The following EYS variants were observed in gnomAD, a reference collection of about 807,000 sequenced individuals.
EYS encodes protein eyes shut homolog.
EYS carries 250 observed loss-of-function variants against 282.1 expected under a neutral mutation model. The ratio of observed to expected loss-of-function variants is 0.89; its 90% CI spans 0.80 to 0.98. The LOEUF is 0.98. Among genes scored for constraint, EYS ranks in the 50% least tolerant of loss-of-function variants. EYS has a pLI of 0.00. For synonymous variants in EYS, 1,355 were observed against 1,282.9 expected (o/e 1.06, Z -1.20); for missense variants, 4,016 against 3,709.0 (o/e 1.08, Z -2.15).
intron 18 of EYS, among the ~76,000 whole-genome samples, chr6:64,899,468 A>G (rs1286598339): frequency 6.6e-6 from 1 of 152,158 alleles, no homozygotes; most frequent in Non-Finnish European, 1.5e-5. Flanking sequence ...AGAAAACCTC[A>G]TCGTCTCAGC....
intron 1 of EYS, among the ~76,000 whole-genome samples, chr6:65,678,789 G>C (rs1417767020): frequency 6.9e-6 from 1 of 145,770 alleles, no homozygotes; most frequent in Non-Finnish European, 1.5e-5. Flanking sequence ...ATTATAAATG[G>C]GCAAAGGACA....
At chr6:64,633,432 A>G (rs1767863119) in intron 22 of EYS, among the ~76,000 whole-genome samples, 1 of 147,796 alleles carries the variant, frequency 6.8e-6, no homozygotes, top group South Asian at 2.1e-4. Context: ...CCATATGCAG[A>G]AATTAAGACA....
At chr6:64,906,901 T>C (rs539945344) in intron 16 of EYS, among the ~76,000 whole-genome samples, 77 of 152,260 alleles carry the variant, frequency 5.1e-4, no homozygotes, top group African/African-American at 1.7e-3. Context: ...AGAAAAGAAA[T>C]TATTTAATTC....
chr6:64,730,196 TAACTGATTTCA>T (rs1771911429), intron 22 of EYS, among the ~76,000 whole-genome samples: 1 of 152,162 alleles, frequency 6.6e-6, no homozygotes. Context: ...AGGGACTTAT[TAACTGATTTCA>T]AACAAAGCTT....
At chr6:65,698,862 C>T (rs1769552329) in intron 1 of EYS, among the ~76,000 whole-genome samples, 1 of 152,096 alleles carries the variant, frequency 6.6e-6, no homozygotes, top group African/African-American at 2.4e-5. Flanking sequence ...ATTGTTTCAC[C>T]ATAAGAAAAA....
chr6:65,663,060 G>C (rs1184835052), intron 1 of EYS, among the ~76,000 whole-genome samples: 4 of 152,120 alleles, frequency 2.6e-5, no homozygotes, highest in Non-Finnish European at 4.4e-5. Flanking sequence ...ATTTTTGACA[G>C]CTCAAAGAAG....
chr6:64,368,411 C>T (rs960158685), intron 29 of EYS, among the ~76,000 whole-genome samples: 4 of 152,020 alleles, frequency 2.6e-5, no homozygotes, highest in East Asian at 1.9e-4. Context: ...CATATGTGCA[C>T]GTGTCTTTAG....
chr6:64,725,911 T>TA (rs964093402), intron 22 of EYS, among the ~76,000 whole-genome samples: 1 of 152,140 alleles, frequency 6.6e-6, no homozygotes, highest in Admixed American at 6.5e-5. Flanking sequence ...CTGATACATT[T>TA]AGGTGGCCTT....
At chr6:65,675,312 T>C (rs1192603008) in intron 1 of EYS, among the ~76,000 whole-genome samples, 1 of 151,258 alleles carries the variant, frequency 6.6e-6, no homozygotes, top group Non-Finnish European at 1.5e-5. Context: ...AGATACAGAG[T>C]AGCTAAACAG....
chr6:64,981,808 G>A (rs568598499), intron 14 of EYS, among the ~76,000 whole-genome samples: 1 of 151,442 alleles, frequency 6.6e-6, no homozygotes, highest in South Asian at 2.1e-4. Context: ...TGGGTTAGAA[G>A]GGAATAATTG....
At chr6:64,573,362 G>A (rs1562069432) in intron 26 of EYS, among the ~76,000 whole-genome samples, 2 of 152,128 alleles carry the variant, frequency 1.3e-5, no homozygotes, top group Non-Finnish European at 2.9e-5. Context: ...CAGCACATAG[G>A]TATGGGCAAA....
chr6:65,476,035 G>T (rs1319196688), intron 5 of EYS, among the ~76,000 whole-genome samples: 5 of 151,794 alleles, frequency 3.3e-5, no homozygotes, highest in Non-Finnish European at 5.9e-5. Flanking sequence ...AATTTTGTCA[G>T]GGAGAAGATA....
chr6:63,988,507 A>G (rs1304342430), intron 34 of EYS, among the ~76,000 whole-genome samples: 2 of 151,794 alleles, frequency 1.3e-5, no homozygotes, highest in East Asian at 1.9e-4. Context: ...TGAAATGTCT[A>G]AAAAAGCAGA....
intron 23 of EYS, among the ~76,000 whole-genome samples, chr6:64,622,188 C>T (rs1767466592): frequency 6.6e-6 from 1 of 152,096 alleles, no homozygotes; most frequent in Admixed American, 6.6e-5. Flanking sequence ...CTGAGCTCCA[C>T]TTGTCAAGTC....
intron 28 of EYS, among the ~76,000 whole-genome samples, chr6:64,416,194 C>T (rs1023032954): frequency 5.9e-5 from 9 of 152,140 alleles, no homozygotes; most frequent in African/African-American, 2.2e-4. Context: ...CATAGCCTGG[C>T]TCAGTTCCTG....
intron 5 of EYS, among the ~76,000 whole-genome samples, chr6:65,425,142 T>C (rs1395298170): frequency 6.6e-6 from 1 of 152,102 alleles, no homozygotes; most frequent in Non-Finnish European, 1.5e-5. Context: ...TGTTGAATAT[T>C]GTGGTTAGTT....
chr6:64,090,848 C>T (rs927092031), intron 31 of EYS, among the ~76,000 whole-genome samples: 3 of 152,160 alleles, frequency 2.0e-5, no homozygotes, highest in Non-Finnish European at 4.4e-5. Context: ...CCATCTTCTT[C>T]TGCCTGTACT....
intron 22 of EYS, among the ~76,000 whole-genome samples, chr6:64,641,893 G>C (rs1023279): frequency 0.58 from 88,717 of 152,002 alleles, 26,072 homozygotes; most frequent in South Asian, 0.68. Context: ...GATGATCTGA[G>C]GTAGAACAGT....
At chr6:64,257,825 G>A (rs1767452959) in intron 30 of EYS, among the ~76,000 whole-genome samples, 1 of 151,798 alleles carries the variant, frequency 6.6e-6, no homozygotes, top group South Asian at 2.1e-4. Context: ...GACAGCAACC[G>A]TGATCATTAT....
Sources: allele counts gnomAD v4.1 joint callset (sites outside exome capture counted in the v4.1 genomes callset), GRCh38; gene constraint gnomAD v4.1.1; transcripts MANE v1.5; gene names NCBI Gene and HGNC (gene_info 2026-07-23, HGNC 2026-07-21).